PCDHGB5: variants seen among roughly 807,000 people sequenced by gnomAD.
PCDHGB5 encodes the protein protocadherin gamma-B5.
Under a neutral mutation model 62.9 loss-of-function variants are expected in PCDHGB5, and 48 were observed. The observed-to-expected ratio is 0.76, with a 90% CI of 0.61 to 0.97. The LOEUF is 0.97. Ranked by LOEUF, PCDHGB5 falls within the 50% of genes least tolerant of loss-of-function variation. The pLI is 0.00. For synonymous variants in PCDHGB5, 474 were observed against 511.2 expected (o/e 0.93, Z 0.98); for missense variants, 1,118 against 1,198.6 (o/e 0.93, Z 0.99).
Position 141,489,555 on chromosome 5 carries a change from A to G in PCDHGB5, c.2398-5252A>G, listed in dbSNP as rs909307566. ...GAGCCAGCACCAGCTGCCTGCTGCC[A>G]GTGCAGGTGGTGACTGAACACCCCC... is the stretch of plus-strand genomic sequence containing the variant. On this transcript the variant is annotated intron_variant, in intron 1 of 3. Transcript: ENST00000617380. The surrounding 1 kb of genome is among the most constrained non-coding windows in gnomAD (Gnocchi z 4.5). 2.5e-6 allele frequency: 4 copies of G among 1,613,998 alleles called. No homozygotes were observed. The African/African-American group carries it at 5.3e-5, about 22-fold the overall frequency.
chr5:141,413,012 A>G (rs937468289), intron 1 of PCDHGB5: 10 of 657,718 alleles, frequency 1.5e-5, no homozygotes, highest in Middle Eastern at 4.2e-4. Flanking sequence ...GGCTTCAACT[A>G]CACAAGCCCC....
chr5:141,437,648 A>G (rs1291089695), intron 1 of PCDHGB5, among the ~76,000 whole-genome samples: 2 of 152,204 alleles, frequency 1.3e-5, no homozygotes, highest in African/African-American at 4.8e-5. Context: ...AGAAAAGCAA[A>G]CACATAGTTT....
At position 141,420,090 on chromosome 5, in the gene PCDHGB5, G is replaced by A. The variant is rs779478924; in HGVS notation, c.2397+19566G>A. 4.2e-5 allele frequency: 68 copies of A among 1,613,932 alleles called. No individual in the cohort carries two copies. Among genetic ancestry groups the A allele is most frequent in the Non-Finnish European group, 5.7e-5 (67 of 1,179,886 alleles). On this transcript the variant is annotated intron_variant, in intron 1 of 3. Coordinates refer to ENST00000617380, the MANE Select transcript of PCDHGB5 (RefSeq NM_018925.3). ...GGACCTGTGGGTCCCCCCAACTACA[G>A]TGAGGGAACGTTGCCCTATGCCTAT...
chr5:141,494,924 TGGGAGGAGATGGGGGAG>T, intron 2 of PCDHGB5, 59 bp downstream of exon 2: 1 of 1,613,498 alleles, frequency 6.2e-7, no homozygotes, highest in Admixed American at 1.7e-5. Flanking sequence ...AGGGATGACG[TGGGAGGAGATGGGGGAG>T]GGCCCAGCAT....
intron 1 of PCDHGB5, among the ~76,000 whole-genome samples, chr5:141,464,240 G>A (rs1396190870): frequency 1.3e-5 from 2 of 150,444 alleles, no homozygotes; most frequent in Non-Finnish European, 2.9e-5. Context: ...ACTCCAGCCT[G>A]GGCTACAGAG....
intron 1 of PCDHGB5, among the ~76,000 whole-genome samples, chr5:141,474,586 A>G (rs149003643): frequency 6.6e-6 from 1 of 152,222 alleles, no homozygotes; most frequent in Non-Finnish European, 1.5e-5. Flanking sequence ...AGTGTTAAAG[A>G]CATGGAAATA....
At chr5:141,409,828 C>G in intron 1 of PCDHGB5, 1 of 1,611,128 alleles carries the variant, frequency 6.2e-7, no homozygotes, top group Non-Finnish European at 8.5e-7. Flanking sequence ...CGCCCACGCT[C>G]AGCGCCAACG....
chr5:141,509,255 T>A (rs1434555633), intron 3 of PCDHGB5, among the ~76,000 whole-genome samples: 1 of 152,158 alleles, frequency 6.6e-6, no homozygotes, highest in African/African-American at 2.4e-5. Flanking sequence ...CCTCTCCGGC[T>A]TTAGTCACTC....
intron 1 of PCDHGB5, chr5:141,426,519 C>T: frequency 8.8e-6 from 3 of 341,848 alleles, no homozygotes; most frequent in South Asian, 6.9e-5. Flanking sequence ...TTACCGTGAA[C>T]ACGGAGAATG....
chr5:141,422,703 G>A (rs1473348513), intron 1 of PCDHGB5: 1 of 1,603,132 alleles, frequency 6.2e-7, no homozygotes, highest in Admixed American at 1.7e-5. Context: ...CTTACTCTCT[G>A]ACGGATGACA....
chr5:141,423,647 C>T (rs775169904), intron 1 of PCDHGB5: 3 of 1,589,144 alleles, frequency 1.9e-6, no homozygotes, highest in Non-Finnish European at 2.6e-6. Flanking sequence ...AAATGTGACC[C>T]GACAAGTAAT....
In PCDHGB5 at chr5:141,399,316, T is replaced by C. The variant is rs1281033457; in HGVS notation, c.1189T>C (p.Ser397Pro). 6.2e-7 allele frequency: 1 copy of C among 1,613,772 alleles called. No individual in the cohort carries two copies. Among genetic ancestry groups the C allele is most frequent in the Non-Finnish European group, 8.5e-7 (1 of 1,179,888 alleles). Residue 397 changes from serine to proline, a missense_variant, in exon 1 of 4, where the codon TCG (serine) becomes CCG (proline). Ser to Pro is a moderately conservative substitution (Grantham distance 74). Coordinates refer to ENST00000617380, the MANE Select transcript of PCDHGB5 (RefSeq NM_018925.3). ...TAAGATTATCTCTTCATCCAAAAAT[T>C]CGTATAAGTTGGTAACAGATGGAAC... ...PFKIISSSKNSYKLVTDGTLD... is the reference protein window; with the variant it reads ...PFKIISSSKNPYKLVTDGTLD...
rs1007318194 is a variant in PCDHGB5, at chr5:141,512,035, T to G, written c.*862T>G. On this transcript the variant is annotated 3_prime_UTR_variant, in exon 4 of 4. Coordinates refer to ENST00000617380, the MANE Select transcript of PCDHGB5 (RefSeq NM_018925.3). ...AAGTTATCAAGGCCTTGGAGGAGGC[T>G]CTGTATGTCCTCAGGGGACTGACAA... 1.3e-5 allele frequency: 2 copies of G among 152,870 alleles called. No individual in the cohort carries two copies. Among genetic ancestry groups the G allele is most frequent in the African/African-American group, 4.8e-5 (2 of 41,464 alleles). The allele number at this position is 152,870 out of a possible 1,614,324, so 9.5% of individuals were successfully genotyped here.
At chr5:141,415,445 A>G (rs1225407576) in intron 1 of PCDHGB5, 7 of 1,614,202 alleles carry the variant, frequency 4.3e-6, no homozygotes, top group South Asian at 1.1e-5. Flanking sequence ...CTGCAGACCT[A>G]TTCCCACGAG....
chr5:141,414,159 A>G (rs2095715416), intron 1 of PCDHGB5: 1 of 1,602,874 alleles, frequency 6.2e-7, no homozygotes. Context: ...CAGAAGATGG[A>G]GGAGCATATC....
rs758065876 is a variant in PCDHGB5 at position 141,422,916 on chromosome 5, C to A, written c.2397+22392C>A. 5.6e-6 allele frequency: 9 copies of A among 1,614,260 alleles called. No homozygotes were observed. In the South Asian group the frequency reaches 9.9e-5, roughly 18 times the overall value. ...ACCAGAACGACAATGCGCCCGAGAT[C>A]CTGTACCCTGCCCTCCCCACAGACG... On this transcript the variant is annotated intron_variant, in intron 1 of 3. Coordinates refer to ENST00000617380, the MANE Select transcript of PCDHGB5 (RefSeq NM_018925.3).
At position 141,432,289 on chromosome 5, in the gene PCDHGB5, C is replaced by A. The variant is rs762278053; in HGVS notation, c.2397+31765C>A. 2 of 1,614,148 alleles carry A rather than the reference C, an allele frequency of 1.2e-6. No individual in the cohort carries two copies. Among genetic ancestry groups the A allele is most frequent in the African/African-American group, 2.7e-5 (2 of 74,952 alleles). On this transcript the variant is annotated intron_variant, in intron 1 of 3. Coordinates refer to ENST00000617380, the MANE Select transcript of PCDHGB5 (RefSeq NM_018925.3). The surrounding 1 kb of genome is among the most constrained non-coding windows in gnomAD (Gnocchi z 6.0). ...CGTCCTACGTGTCCATCAACTCCGA[C>A]ACTGGGGTACTGTATGCGCTGAGCT...
At position 141,422,030 on chromosome 5, in the gene PCDHGB5, C is replaced by T. The variant is rs1404612424; in HGVS notation, c.2397+21506C>T. ...ACTCGGGTGCTGATGGTTAATGCAA[C>T]GGATCCAGACGAGGGAATCAACGGG... On this transcript the variant is annotated intron_variant, in intron 1 of 3. Coordinates refer to ENST00000617380, the MANE Select transcript of PCDHGB5 (RefSeq NM_018925.3). 3 of 1,609,592 alleles carry T rather than the reference C, an allele frequency of 1.9e-6. No homozygotes were observed. The South Asian group carries it at 3.3e-5, about 18-fold the overall frequency.
Position 141,487,226 on chromosome 5 carries a change from G to A in PCDHGB5, c.2398-7581G>A. ...TCGAGAATCTTCAGCTCCAAGGGAA[G>A]GAGAATCTCGTCTAACCCTCTACTT... is the stretch of plus-strand genomic sequence containing the variant. On this transcript the variant is annotated intron_variant, in intron 1 of 3. Transcript: ENST00000617380. This position sits in a 1 kb window ranked among gnomAD's most constrained non-coding sequence, Gnocchi z 5.0. The A allele has an allele frequency of 6.2e-7, 1 of 1,614,104 alleles. No individual in the cohort carries two copies. Among genetic ancestry groups the A allele is most frequent in the South Asian group, 1.1e-5 (1 of 91,074 alleles).
Sources: gnomAD v4.1 joint callset for allele counts (sites outside exome capture counted in the v4.1 genomes callset) on GRCh38, gnomAD v4.1.1 for gene constraint, Gnocchi (gnomAD v3.1) non-coding constraint, MANE v1.5 for transcripts, NCBI Gene and HGNC (gene_info 2026-07-23, HGNC 2026-07-21) for gene names.